Variants in CACNA1C observed in about 807,000 individuals in gnomAD.
The protein encoded by CACNA1C is calcium voltage-gated channel subunit alpha1 C.
In CACNA1C, 30 loss-of-function variants were observed where a neutral mutation model predicts 229.0. The ratio of observed to expected loss-of-function variants is 0.13; its 90% CI spans 0.10 to 0.18. CACNA1C has a LOEUF of 0.18. Among genes scored for constraint, CACNA1C ranks in the 10% least tolerant of loss-of-function variants. The pLI is 1.00. For synonymous variants in CACNA1C, 1,114 were observed against 1,132.5 expected, an observed-to-expected ratio of 0.98 and a Z score of 0.33; for missense variants, 1,658 against 2,845.0, an observed-to-expected ratio of 0.58 and a Z score of 9.49.
chr12:2,161,987 A>G (rs1177895465), intron 3 of CACNA1C, among the ~76,000 whole-genome samples: 1 of 152,206 alleles, frequency 6.6e-6, no homozygotes, highest in Non-Finnish European at 1.5e-5. Flanking sequence ...ATATGTTCTA[A>G]TTATCTGTTT....
At chr12:2,295,090 G>A (rs971293438) in intron 3 of CACNA1C, among the ~76,000 whole-genome samples, 2 of 152,030 alleles carry the variant, frequency 1.3e-5, no homozygotes, top group African/African-American at 4.8e-5. Flanking sequence ...GCCTACAGCC[G>A]CCCACTCACC....
intron 9 of CACNA1C, among the ~76,000 whole-genome samples, chr12:2,516,055 G>T (rs57749951): frequency 6.6e-6 from 1 of 151,936 alleles, no homozygotes; most frequent in Non-Finnish European, 1.5e-5. Flanking sequence ...AGAGAGGGGG[G>T]AAGCAGTGAA....
At chr12:2,623,431 C>T (rs1207221146) in intron 29 of CACNA1C, among the ~76,000 whole-genome samples, 3 of 152,142 alleles carry the variant, frequency 2.0e-5, no homozygotes, top group South Asian at 4.1e-4. Flanking sequence ...TTCAGAGCCA[C>T]CCATGCTCTC....
At chr12:2,005,320 T>C (rs1031740882) in intron 1 of CACNA1C, among the ~76,000 whole-genome samples, 1 of 151,900 alleles carries the variant, frequency 6.6e-6, no homozygotes, top group Admixed American at 6.5e-5. Flanking sequence ...ATGAAGTGTG[T>C]CATATTTGTC....
intron 3 of CACNA1C, among the ~76,000 whole-genome samples, chr12:2,440,042 G>A (rs754347633): frequency 2.6e-5 from 4 of 152,158 alleles, no homozygotes; most frequent in Non-Finnish European, 4.4e-5. Flanking sequence ...CTCACCCTGC[G>A]CATCTGTCCG....
chr12:2,652,568 G>A (rs905720328), intron 32 of CACNA1C, among the ~76,000 whole-genome samples: 2 of 152,266 alleles, frequency 1.3e-5, no homozygotes, highest in African/African-American at 4.8e-5. Context: ...TGTCAGGGAA[G>A]ATGGTCTTTG....
intron 1 of CACNA1C, among the ~76,000 whole-genome samples, chr12:2,077,051 C>T (rs887571444): frequency 5.3e-5 from 8 of 152,350 alleles, no homozygotes; most frequent in South Asian, 2.1e-4. Context: ...TTCATTACAA[C>T]GCATTGCCCA....
intron 25 of CACNA1C, 32 bp downstream of exon 25, chr12:2,606,695 C>T (rs780804956): frequency 6.8e-5 from 108 of 1,589,628 alleles, no homozygotes; most frequent in Middle Eastern, 1.7e-4. Flanking sequence ...GCCAGGGCCA[C>T]GGCCGGTCAG....
In CACNA1C at chr12:2,042,359, G is replaced by A. The variant is rs115727238; in HGVS notation, c.139+71158G>A. 7.2e-3 allele frequency among the ~76,000 whole-genome samples: 1,093 copies of A among 152,158 alleles called. 15 individuals are homozygous for A. Among genetic ancestry groups the A allele is most frequent in the African/African-American group, 0.025 (1,027 of 41,494 alleles). ...ATAAACATAAGGCTTTGTGTTATAC[G>A]CTTCTTTTGGATTGAATTTTCATCA... On this transcript the variant is annotated intron_variant, in intron 1 of 46. Transcript: ENST00000682462.
intron 9 of CACNA1C, among the ~76,000 whole-genome samples, chr12:2,534,814 G>C (rs2099849328): frequency 6.6e-6 from 1 of 152,242 alleles, no homozygotes; most frequent in Admixed American, 6.5e-5. Context: ...ATGTTGGAAG[G>C]TGGTGGCGAG....
intron 3 of CACNA1C, among the ~76,000 whole-genome samples, chr12:2,359,738 G>A (rs1250927301): frequency 2.6e-5 from 4 of 152,080 alleles, no homozygotes; most frequent in Non-Finnish European, 4.4e-5. Flanking sequence ...AGGCTGACAG[G>A]TGACCTAGTA....
intron 5 of CACNA1C, among the ~76,000 whole-genome samples, chr12:2,485,079 G>T (rs1458084979): frequency 6.6e-6 from 1 of 152,082 alleles, no homozygotes; most frequent in Admixed American, 6.5e-5. Flanking sequence ...GGATGAATGT[G>T]AGGGTGAGAT....
chr12:2,021,442 G>C (rs1162705891), intron 1 of CACNA1C, among the ~76,000 whole-genome samples: 1 of 152,272 alleles, frequency 6.6e-6, no homozygotes, highest in African/African-American at 2.4e-5. Flanking sequence ...ACTTTGGGGG[G>C]CTGAGGTGGG....
chr12:2,201,967 G>A (rs77693554), intron 3 of CACNA1C, among the ~76,000 whole-genome samples: 2 of 152,222 alleles, frequency 1.3e-5, no homozygotes, highest in African/African-American at 4.8e-5. Flanking sequence ...GGTAGGCAAC[G>A]ATTCCAACTT....
At chr12:2,578,501 C>T (rs893480146) in intron 13 of CACNA1C, among the ~76,000 whole-genome samples, 2 of 152,142 alleles carry the variant, frequency 1.3e-5, no homozygotes, top group African/African-American at 2.4e-5. Context: ...CTCATAGCAA[C>T]ACCCGCTGCT....
intron 3 of CACNA1C, among the ~76,000 whole-genome samples, chr12:2,169,290 T>C (rs2096377984): frequency 6.6e-6 from 1 of 152,210 alleles, no homozygotes; most frequent in Non-Finnish European, 1.5e-5. Context: ...TGAATGTCAT[T>C]TTACTCAGAG....
intron 3 of CACNA1C, among the ~76,000 whole-genome samples, chr12:2,204,946 ATAAAT>A (rs1041603386): frequency 1.7e-4 from 22 of 131,284 alleles, no homozygotes; most frequent in Middle Eastern, 3.8e-3. Flanking sequence ...ATAAAAAAAA[ATAAAT>A]TAATTAAAAA....
At position 2,019,127 on chromosome 12, in the gene CACNA1C, G is replaced by C. The variant is rs914371421; in HGVS notation, c.139+47926G>C. Among the ~76,000 whole-genome samples the C allele has an allele frequency of 1.1e-4, 17 of 152,038 alleles. 1 individual carries two copies. Among genetic ancestry groups the C allele is most frequent in the African/African-American group, 3.4e-4 (14 of 41,388 alleles). ...AGTCTATGGTTTGATAGGTTGGCAG[G>C]GCAAAGGGAAAAACAGAGTTGGAGC... On this transcript the variant is annotated intron_variant, in intron 1 of 46. Transcript: ENST00000682462.
In CACNA1C at chr12:2,651,350, T is replaced by C; in HGVS notation, c.3946-290T>C. The C allele has an allele frequency of 1.9e-6, 1 of 528,422 alleles. No individual in the cohort carries two copies. Among genetic ancestry groups the C allele is most frequent in the Non-Finnish European group, 3.4e-6 (1 of 297,386 alleles). 32.7% of individuals were successfully genotyped at this position (528,422 alleles called of 1,614,324 possible). A position where few individuals can be genotyped will look rare whatever the true frequency, so the allele number is the denominator to read the frequency against. The stretch of plus-strand genomic sequence containing the variant: ...TAGTTCCTGATGGAGTCGTCTGTCC[T>C]CCATCCAGGGCATTAAGAACTAGGA... On this transcript the variant is annotated intron_variant, in intron 31 of 46. Coordinates refer to ENST00000399655, the MANE Select transcript of CACNA1C (RefSeq NM_000719.7). This position sits in a 1 kb window ranked among gnomAD's most constrained non-coding sequence, Gnocchi z 5.4.
Sources: allele counts gnomAD v4.1 joint callset (sites outside exome capture counted in the v4.1 genomes callset), GRCh38; gene constraint gnomAD v4.1.1; non-coding constraint Gnocchi (gnomAD v3.1); transcripts MANE v1.5; gene names NCBI Gene and HGNC (gene_info 2026-07-23, HGNC 2026-07-21).